The following WIF1 variants were observed in gnomAD, a reference collection of about 807,000 sequenced individuals.
WIF1 encodes Wnt inhibitory factor 1.
WIF1 carries 35 observed loss-of-function variants against 53.5 expected under a neutral mutation model. The observed-to-expected ratio is 0.65, with a 90% CI of 0.50 to 0.87. The LOEUF (loss-of-function observed/expected upper bound fraction) is 0.87, where lower values mean the gene tolerates loss of function less well. Ranked by LOEUF, WIF1 falls within the 40% of genes least tolerant of loss-of-function variation. The pLI, the probability that WIF1 is intolerant of heterozygous loss-of-function variation, is 0.00. For synonymous variants in WIF1, 171 were observed against 170.4 expected, an observed-to-expected ratio of 1.00 and a Z score of -0.03; for missense variants, 467 against 476.8, an observed-to-expected ratio of 0.98 and a Z score of 0.19.
intron 2 of WIF1, among the ~76,000 whole-genome samples, chr12:65,117,490 C>T (rs777977772): frequency 2.0e-5 from 3 of 152,084 alleles, no homozygotes; most frequent in Non-Finnish European, 4.4e-5. Context: ...GGTCCCCCAC[C>T]TTTTGGGCAC....
At chr12:65,074,266 A>T (rs889633013) in intron 3 of WIF1, among the ~76,000 whole-genome samples, 12 of 152,024 alleles carry the variant, frequency 7.9e-5, no homozygotes, top group African/African-American at 2.9e-4. Context: ...CAAAAAGTGA[A>T]AAAAGCACTT....
intron 2 of WIF1, among the ~76,000 whole-genome samples, chr12:65,119,640 A>C (rs1565763255): frequency 1.3e-5 from 2 of 152,206 alleles, no homozygotes; most frequent in Non-Finnish European, 2.9e-5. Flanking sequence ...CCAACTAATA[A>C]GCTGAAGAAT....
rs769798277 is a variant in WIF1, at chr12:65,067,800, A to G, written c.539-10T>C. On this transcript the variant is annotated splice_polypyrimidine_tract_variant and intron_variant, in intron 4 of 9. Transcript: ENST00000286574. ...CCGCCTGGGCACTCAGCTTCAGCAG[A>G]GAGAAACAAAGCTTATATGGACACC... is the stretch of plus-strand genomic sequence containing the variant. The G allele has an allele frequency of 3.1e-6, 5 of 1,612,174 alleles. No homozygotes were observed. Among genetic ancestry groups the G allele is most frequent in the Non-Finnish European group, 4.2e-6 (5 of 1,178,860 alleles).
chr12:65,074,802 A>T (rs1882833138), intron 3 of WIF1, among the ~76,000 whole-genome samples: 1 of 115,412 alleles, frequency 8.7e-6, no homozygotes, highest in African/African-American at 3.4e-5. Flanking sequence ...TGGGTAACAG[A>T]GGGACACTCT....
chr12:65,112,749 C>T (rs576034231), intron 2 of WIF1, among the ~76,000 whole-genome samples: 10 of 152,276 alleles, frequency 6.6e-5, no homozygotes, highest in Admixed American at 5.2e-4. Flanking sequence ...CTTATGATCA[C>T]CCAGAATATA....
In WIF1 at chr12:65,051,384, G is replaced by A. The variant is rs375021895; in HGVS notation, c.1105C>T (p.Arg369Trp). ...TAATTGGATTCAGGTGGATCCCGCCGCTCCTCGGCCTTTTTAAGTGAAGGC... is the reference window on the plus strand; with the variant it reads ...TAATTGGATTCAGGTGGATCCCGCCACTCCTCGGCCTTTTTAAGTGAAGGC... ...HTPSLKKAEE[R>W]RDPPESNYIW is the part of the protein sequence containing the mutation. The change falls in exon 10 of 10, where the codon CGG becomes TGG. Residue 369 changes from arginine to tryptophan, a missense_variant. Physicochemically the swap from Arg to Trp is moderately radical, Grantham distance 101 (BLOSUM62 -3). Transcript: ENST00000286574. 14 of 1,613,610 alleles carry A rather than the reference G, an allele frequency of 8.7e-6. No individual in the cohort carries two copies. Among genetic ancestry groups the A allele is most frequent in the Middle Eastern group, 1.6e-4 (1 of 6,068 alleles).
At chr12:65,077,516 G>A (rs952077187) in intron 3 of WIF1, among the ~76,000 whole-genome samples, 1 of 151,952 alleles carries the variant, frequency 6.6e-6, no homozygotes, top group African/African-American at 2.4e-5. Context: ...TGAACTTAGT[G>A]TGGGCTGGGC....
At chr12:65,093,780 C>T (rs1883160948) in intron 2 of WIF1, among the ~76,000 whole-genome samples, 1 of 152,016 alleles carries the variant, frequency 6.6e-6, no homozygotes, top group South Asian at 2.1e-4. Context: ...GGATTCGGTT[C>T]CCGGATGGTC....
intron 2 of WIF1, among the ~76,000 whole-genome samples, chr12:65,078,641 A>G (rs1882900713): frequency 6.6e-6 from 1 of 152,156 alleles, no homozygotes; most frequent in African/African-American, 2.4e-5. Flanking sequence ...AAAGGTTTAT[A>G]TTTAATGTCT....
chr12:65,115,939 A>G (rs190572222), intron 2 of WIF1, among the ~76,000 whole-genome samples: 80 of 152,352 alleles, frequency 5.3e-4, no homozygotes, highest in Middle Eastern at 3.4e-3. Flanking sequence ...TTGTTGAGTG[A>G]TAAGTAGTGT....
At chr12:65,089,472 A>G (rs563035397) in intron 2 of WIF1, among the ~76,000 whole-genome samples, 1 of 152,192 alleles carries the variant, frequency 6.6e-6, no homozygotes, top group East Asian at 1.9e-4. Context: ...TTCTTCTTAA[A>G]TGCCAACTGG....
At chr12:65,059,714 C>G (rs1005036432) in intron 7 of WIF1, among the ~76,000 whole-genome samples, 3 of 151,708 alleles carry the variant, frequency 2.0e-5, no homozygotes, top group African/African-American at 7.3e-5. Flanking sequence ...TGCAGTGGCT[C>G]AACCTTGGCT....
chr12:65,058,138 A>G (rs1882557657), intron 7 of WIF1, among the ~76,000 whole-genome samples: 1 of 151,978 alleles, frequency 6.6e-6, no homozygotes, highest in African/African-American at 2.4e-5. Flanking sequence ...TTTACTGTTT[A>G]GTTAAGATCT....
intron 2 of WIF1, among the ~76,000 whole-genome samples, chr12:65,093,659 T>TA (rs1452487114): frequency 6.6e-6 from 1 of 152,004 alleles, no homozygotes; most frequent in African/African-American, 2.4e-5. Context: ...GCTGATTCAT[T>TA]AAAAAAATAC....
intron 7 of WIF1, among the ~76,000 whole-genome samples, chr12:65,059,285 G>C (rs1004333191): frequency 1.3e-5 from 2 of 152,160 alleles, no homozygotes; most frequent in African/African-American, 2.4e-5. Flanking sequence ...CAGATAAAAG[G>C]GTTTTTAAGT....
At chr12:65,069,501 C>T (rs1175753096) in intron 3 of WIF1, among the ~76,000 whole-genome samples, 5 of 152,000 alleles carry the variant, frequency 3.3e-5, no homozygotes, top group Admixed American at 2.0e-4. Context: ...GTCATTGGAC[C>T]GAGTTAATGA....
At chr12:65,096,630 T>C (rs576706515) in intron 2 of WIF1, among the ~76,000 whole-genome samples, 1 of 152,280 alleles carries the variant, frequency 6.6e-6, no homozygotes, top group South Asian at 2.1e-4. Context: ...TGCCCATCAG[T>C]GATAGACTGG....
At chr12:65,087,456 T>A (rs1455012618) in intron 2 of WIF1, among the ~76,000 whole-genome samples, 2 of 152,202 alleles carry the variant, frequency 1.3e-5, no homozygotes, top group Non-Finnish European at 2.9e-5. Flanking sequence ...AAAAAGTAAA[T>A]GTCAAAATTT....
chr12:65,102,610 C>G (rs578196156), intron 2 of WIF1, among the ~76,000 whole-genome samples: 38 of 152,232 alleles, frequency 2.5e-4, no homozygotes, highest in African/African-American at 8.4e-4. Context: ...TCTGGGCACC[C>G]CAAGGCCCAA....
Sources: allele counts gnomAD v4.1 joint callset (sites outside exome capture counted in the v4.1 genomes callset), GRCh38; gene constraint gnomAD v4.1.1; transcripts MANE v1.5; gene names NCBI Gene and HGNC (gene_info 2026-07-23, HGNC 2026-07-21).